ABCA12: variants seen among roughly 807,000 people sequenced by gnomAD.
ABCA12 encodes ATP binding cassette subfamily A member 12, also known as glucosylceramide transporter ABCA12.
ABCA12 carries 156 observed loss-of-function variants against 293.5 expected under a neutral mutation model. The ratio of observed to expected loss-of-function variants is 0.53; its 90% CI spans 0.47 to 0.61. The LOEUF (loss-of-function observed/expected upper bound fraction) is 0.61, where lower values mean the gene tolerates loss of function less well. Among genes scored for constraint, ABCA12 ranks in the 20% least tolerant of loss-of-function variants. The pLI is 0.00. For synonymous variants in ABCA12, 1,063 were observed against 1,108.0 expected, an observed-to-expected ratio of 0.96 and a Z score of 0.81; for missense variants, 2,797 against 3,090.2, an observed-to-expected ratio of 0.91 and a Z score of 2.25.
At chr2:214,965,542 G>A (rs73088478) in intron 39 of ABCA12, among the ~76,000 whole-genome samples, 3,642 of 151,508 alleles carry the variant, frequency 0.024, 147 homozygotes, top group African/African-American at 0.082. Context: ...GGGGCGAGGG[G>A]GGAAGAAAAC....
rs1380839761 is a variant in ABCA12, at chr2:215,001,442, A to G, written c.2863+116T>C. 4 of 1,263,318 alleles carry G rather than the reference A, an allele frequency of 3.2e-6. No individual in the cohort carries two copies. The African/African-American group carries it at 5.9e-5, about 19-fold the overall frequency. The allele number at this position is 1,263,318 out of a possible 1,614,324, so 78.3% of individuals were successfully genotyped here. A position where few individuals can be genotyped will look rare whatever the true frequency, so the allele number is the denominator to read the frequency against. The stretch of plus-strand genomic sequence containing the variant: ...AAAGGTTCTCTTTTCTAAGGACATC[A>G]GAGGACCTAAGGACCCCCACACTAG... On this transcript the variant is annotated intron_variant, in intron 21 of 52. Transcript: ENST00000272895.
At chr2:215,058,303 T>A (rs1180962769) in intron 3 of ABCA12, among the ~76,000 whole-genome samples, 7 of 151,900 alleles carry the variant, frequency 4.6e-5, no homozygotes, top group Admixed American at 4.6e-4. Flanking sequence ...CTGCTGAACA[T>A]CCTACAATGC....
At position 214,989,411 on chromosome 2, in the gene ABCA12, T is replaced by A; in HGVS notation, c.3747A>T (p.Ser1249=). 6.2e-7 allele frequency: 1 copy of A among 1,613,142 alleles called. No homozygotes were observed. The highest frequency in any genetic ancestry group is 8.5e-7 in the Non-Finnish European group (1 of 1,179,790). The part of the protein sequence containing the change: ...YTSPVQDDTT[S]FGWLCCLILA... The stretch of plus-strand genomic sequence containing the variant: ...GGATTAGACAGCACAGCCAGCCAAA[T>A]GAGGTGGTGTCATCCTGAACCGGGG... Residue 1249 remains serine (S), a synonymous_variant, in exon 26 of 53, where the codon TCA becomes TCT. Transcript: ENST00000272895.
intron 2 of ABCA12, among the ~76,000 whole-genome samples, chr2:215,085,236 T>C (rs1170729503): frequency 6.6e-6 from 1 of 152,220 alleles, no homozygotes; most frequent in Non-Finnish European, 1.5e-5. Flanking sequence ...CTTTCTATTC[T>C]TTTGATGCAC....
At chr2:215,004,891 G>A (rs2038954) in intron 19 of ABCA12, 113,908 of 152,144 alleles carry the variant, frequency 0.75, 46,846 homozygotes, top group East Asian at 0.95. Flanking sequence ...GCAACTATGT[G>A]AATATGAAAG....
intron 3 of ABCA12, among the ~76,000 whole-genome samples, chr2:215,063,677 T>A (rs942037645): frequency 6.6e-6 from 1 of 152,014 alleles, no homozygotes; most frequent in Non-Finnish European, 1.5e-5. Context: ...TCACACATGG[T>A]AGTACCAGTA....
intron 2 of ABCA12, among the ~76,000 whole-genome samples, chr2:215,075,313 T>C (rs1701813790): frequency 2.0e-5 from 3 of 152,150 alleles, no homozygotes; most frequent in Non-Finnish European, 4.4e-5. Flanking sequence ...GTAAAGTTGT[T>C]AGGAGTTAAT....
chr2:215,015,826 T>C (rs542928648), intron 14 of ABCA12, among the ~76,000 whole-genome samples, 163 bp from the exon 15 acceptor site: 2 of 152,210 alleles, frequency 1.3e-5, no homozygotes, highest in South Asian at 2.1e-4. Context: ...AATAAGACAA[T>C]AGAGAATTAA....
At chr2:214,992,893 A>C (rs959274571) in intron 23 of ABCA12, among the ~76,000 whole-genome samples, 3 of 152,128 alleles carry the variant, frequency 2.0e-5, no homozygotes, top group South Asian at 2.1e-4. Flanking sequence ...ATAAATAAAT[A>C]AATCTCCACT....
chr2:215,080,496 T>A (rs1226893836), intron 2 of ABCA12, among the ~76,000 whole-genome samples: 1 of 150,768 alleles, frequency 6.6e-6, no homozygotes, highest in Non-Finnish European at 1.5e-5. Context: ...GAGCAAGACT[T>A]GGTCTCAAAA....
chr2:214,970,902 T>G (rs1010377171), intron 36 of ABCA12, among the ~76,000 whole-genome samples: 1 of 152,062 alleles, frequency 6.6e-6, no homozygotes, highest in Non-Finnish European at 1.5e-5. Context: ...ATATTATATA[T>G]GTATATATGT....
At chr2:215,024,523 G>A (rs917903093) in intron 11 of ABCA12, among the ~76,000 whole-genome samples, 1 of 152,182 alleles carries the variant, frequency 6.6e-6, no homozygotes, top group African/African-American at 2.4e-5. Context: ...GAATTTTCCA[G>A]ATGAATGCAC....
At chr2:214,979,128 CT>C in intron 31 of ABCA12, 88 bp from the exon 32 acceptor site, 1 of 1,164,680 alleles carries the variant, frequency 8.6e-7, no homozygotes, top group Non-Finnish European at 1.3e-6. Context: ...GTGATGAGCT[CT>C]TTTAGGCCAC....
At chr2:214,939,975 C>T (rs1320968892) in intron 50 of ABCA12, among the ~76,000 whole-genome samples, 3 of 152,198 alleles carry the variant, frequency 2.0e-5, no homozygotes, top group African/African-American at 7.2e-5. Context: ...TGCCTGATGG[C>T]TCTGGCCAGA....
chr2:215,016,534 G>A (rs1220367368), intron 14 of ABCA12, among the ~76,000 whole-genome samples: 1 of 117,878 alleles, frequency 8.5e-6, no homozygotes, highest in Non-Finnish European at 1.6e-5. Context: ...AGTGAGCGGA[G>A]ATTGTACCAC....
chr2:214,934,320 C>T (rs1183261538), intron 51 of ABCA12, 105 bp from the exon 52 acceptor site: 2 of 1,263,462 alleles, frequency 1.6e-6, no homozygotes, highest in Non-Finnish European at 2.3e-6. Context: ...AAGTTCATTC[C>T]ACTGAAAATG....
chr2:214,961,576 AT>A (rs146945169), intron 39 of ABCA12, among the ~76,000 whole-genome samples: 13 of 152,150 alleles, frequency 8.5e-5, no homozygotes, highest in African/African-American at 3.1e-4. Flanking sequence ...TCCCCTAGTT[AT>A]TTCTATAGTT....
chr2:214,989,674 C>T, intron 24 of ABCA12, 53 bp from the exon 25 acceptor site: 1 of 1,587,252 alleles, frequency 6.3e-7, no homozygotes, highest in Non-Finnish European at 8.6e-7. Context: ...ATGTATTTCA[C>T]CCAGAGGTAT....
intron 2 of ABCA12, among the ~76,000 whole-genome samples, chr2:215,069,834 T>C (rs1223016045): frequency 1.3e-5 from 2 of 152,170 alleles, no homozygotes; most frequent in African/African-American, 4.8e-5. Flanking sequence ...GACTCTAACC[T>C]AGTAAAATTG....
Sources: allele counts gnomAD v4.1 joint callset (sites outside exome capture counted in the v4.1 genomes callset), GRCh38; gene constraint gnomAD v4.1.1; transcripts MANE v1.5; gene names NCBI Gene and HGNC (gene_info 2026-07-23, HGNC 2026-07-21).